The following MYO5C variants were observed in gnomAD, a reference collection of about 807,000 sequenced individuals.
The protein encoded by MYO5C is unconventional myosin-Vc.
A neutral mutation model predicts 235.7 loss-of-function variants in MYO5C; 194 were observed. The ratio of observed to expected loss-of-function variants is 0.82; its 90% CI spans 0.73 to 0.93. The LOEUF (loss-of-function observed/expected upper bound fraction) is 0.93, where lower values mean the gene tolerates loss of function less well. Among genes scored for constraint, MYO5C ranks in the 40% least tolerant of loss-of-function variants. MYO5C has a pLI of 0.00. For synonymous variants in MYO5C, 707 were observed against 754.8 expected (o/e 0.94, Z 1.04); for missense variants, 2,038 against 2,127.2 (o/e 0.96, Z 0.82).
chr15:52,262,159 G>T (rs1353936407), intron 9 of MYO5C, among the ~76,000 whole-genome samples: 1 of 152,184 alleles, frequency 6.6e-6, no homozygotes, highest in Non-Finnish European at 1.5e-5. Flanking sequence ...ATGCAAAGGG[G>T]CGGCAGCTTT....
intron 32 of MYO5C, 30 bp from the exon 33 acceptor site, chr15:52,214,720 G>A: frequency 6.8e-7 from 1 of 1,465,176 alleles, no homozygotes; most frequent in Non-Finnish European, 9.2e-7. Context: ...CCAGGATTTA[G>A]CTTAGAAGCA....
intron 26 of MYO5C, 130 bp from the exon 27 acceptor site, chr15:52,225,268 C>T: frequency 8.8e-7 from 1 of 1,131,274 alleles, no homozygotes; most frequent in Non-Finnish European, 1.3e-6. Context: ...TCCAATCAAC[C>T]AACTAACCAA....
chr15:52,194,612 A>G (rs947839491), intron 40 of MYO5C, among the ~76,000 whole-genome samples: 2 of 152,250 alleles, frequency 1.3e-5, no homozygotes, highest in Admixed American at 1.3e-4. Context: ...AGCTCTACAC[A>G]TGTTAAACAT....
rs1184980863 is a variant in MYO5C, at chr15:52,193,394, C to T, written c.*508G>A. ...CAGGGCATTTTCAGTAAAAAGAGTT[C>T]ATGAAAACCTTCTGTCCCCAGCAGG... On this transcript the variant is annotated 3_prime_UTR_variant, in exon 41 of 41. Coordinates refer to ENST00000261839, the MANE Select transcript of MYO5C (RefSeq NM_018728.4). 1.3e-5 allele frequency: 2 copies of T among 151,396 alleles called. No homozygotes were observed. Among genetic ancestry groups the T allele is most frequent in the Non-Finnish European group, 2.9e-5 (2 of 67,920 alleles). The allele number at this position is 151,396 out of a possible 1,614,324, so 9.4% of individuals were successfully genotyped here. A position where few individuals can be genotyped will look rare whatever the true frequency, so the allele number is the denominator to read the frequency against.
chr15:52,210,554 C>T (rs2035423619), intron 35 of MYO5C, among the ~76,000 whole-genome samples: 2 of 152,124 alleles, frequency 1.3e-5, no homozygotes, highest in Admixed American at 1.3e-4. Flanking sequence ...GGTTTTTGTA[C>T]TAACTCCACT....
Position 52,252,125 on chromosome 15 carries a change from G to T in MYO5C, c.1537-610C>A, listed in dbSNP as rs562502088. On this transcript the variant is annotated intron_variant, in intron 12 of 40. Transcript: ENST00000261839. ...TGGATACATCAAAGTCTCTTTAGAA[G>T]AACAAAACTTTAAAAAGAAATGGTC... Among the ~76,000 whole-genome samples, 10 of 152,180 alleles carry T rather than the reference G, an allele frequency of 6.6e-5. No individual in the cohort carries two copies. The South Asian group carries it at 2.1e-3, about 32-fold the overall frequency.
At chr15:52,257,444 C>T (rs889264222) in intron 10 of MYO5C, among the ~76,000 whole-genome samples, 2 of 152,152 alleles carry the variant, frequency 1.3e-5, no homozygotes, top group South Asian at 2.1e-4. Context: ...TGGATGAATG[C>T]GGCCCAGGAT....
chr15:52,251,346 A>G (rs1468719485), intron 13 of MYO5C, 44 bp downstream of exon 13: 5 of 1,544,350 alleles, frequency 3.2e-6, no homozygotes, highest in Non-Finnish European at 4.4e-6. Context: ...TGGAGGCTGT[A>G]CAGGTTCCGG....
intron 25 of MYO5C, among the ~76,000 whole-genome samples, chr15:52,228,300 C>T (rs533681226): frequency 4.6e-5 from 7 of 152,244 alleles, no homozygotes; most frequent in Admixed American, 3.9e-4. Flanking sequence ...CCTGCCACCA[C>T]GCCCAGCCAA....
At chr15:52,248,655 T>A in intron 14 of MYO5C, 45 bp downstream of exon 14, 1 of 1,310,304 alleles carries the variant, frequency 7.6e-7, no homozygotes, top group Non-Finnish European at 1.1e-6. Flanking sequence ...TCTAGATCCA[T>A]GTCAATTATA....
chr15:52,289,660 C>T (rs1240730930), intron 1 of MYO5C, among the ~76,000 whole-genome samples: 1 of 151,976 alleles, frequency 6.6e-6, no homozygotes, highest in African/African-American at 2.4e-5. Context: ...CCGGAGGCTT[C>T]CTCAGCCAGG....
chr15:52,239,701 G>A, intron 21 of MYO5C, 32 bp downstream of exon 21: 1 of 1,560,654 alleles, frequency 6.4e-7, no homozygotes, highest in Admixed American at 1.9e-5. Context: ...GTAAGAAAAA[G>A]TAAATGTAAA....
intron 24 of MYO5C, among the ~76,000 whole-genome samples, chr15:52,232,193 AGG>A (rs1178121359): frequency 9.9e-5 from 8 of 80,470 alleles, no homozygotes; most frequent in East Asian, 3.7e-3. Context: ...GGAGGAAGGG[AGG>A]AAGGAAGGAA....
At chr15:52,275,538 GC>G in intron 5 of MYO5C, 23 bp downstream of exon 5, 1 of 1,613,026 alleles carries the variant, frequency 6.2e-7, no homozygotes, top group Non-Finnish European at 8.5e-7. Context: ...CCAACACCCA[GC>G]TGCCTTCCGC....
chr15:52,280,303 G>T (rs1159623714), intron 2 of MYO5C, among the ~76,000 whole-genome samples: 1 of 152,220 alleles, frequency 6.6e-6, no homozygotes, highest in African/African-American at 2.4e-5. Context: ...TCCCCCAGCA[G>T]GGCTGTCTAT....
intron 9 of MYO5C, among the ~76,000 whole-genome samples, chr15:52,263,220 T>C (rs2036730618): frequency 6.6e-6 from 1 of 152,164 alleles, no homozygotes; most frequent in African/African-American, 2.4e-5. Flanking sequence ...AATGCAAAGC[T>C]TTACAGGTGT....
chr15:52,269,908 G>T, intron 7 of MYO5C, 48 bp from the exon 8 acceptor site: 1 of 1,280,314 alleles, frequency 7.8e-7, no homozygotes, highest in Non-Finnish European at 1.1e-6. Flanking sequence ...CAGAAATTTG[G>T]ACATACACAT....
chr15:52,236,443 C>T (rs112039305), intron 22 of MYO5C, among the ~76,000 whole-genome samples: 5 of 152,098 alleles, frequency 3.3e-5, no homozygotes, highest in African/African-American at 9.7e-5. Context: ...GGAGGCCAAG[C>T]GGGGGTGGAT....
intron 32 of MYO5C, among the ~76,000 whole-genome samples, chr15:52,218,164 T>C (rs2035595670): frequency 6.6e-6 from 1 of 152,200 alleles, no homozygotes. Flanking sequence ...GGCACTTATA[T>C]GGGGTGAGTT....
Sources: allele counts gnomAD v4.1 joint callset (sites outside exome capture counted in the v4.1 genomes callset), GRCh38; gene constraint gnomAD v4.1.1; transcripts MANE v1.5; gene names NCBI Gene and HGNC (gene_info 2026-07-23, HGNC 2026-07-21).